MPDZ: variants seen among roughly 807,000 people sequenced by gnomAD.
MPDZ encodes multiple PDZ domain crumbs cell polarity complex component.
A neutral mutation model predicts 239.1 loss-of-function variants in MPDZ; 234 were observed. The ratio of observed to expected loss-of-function variants is 0.98; its 90% CI spans 0.88 to 1.09. The LOEUF is 1.09. Among genes scored for constraint, MPDZ ranks in the 50% least tolerant of loss-of-function variants. MPDZ has a pLI of 0.00. For synonymous variants in MPDZ, 1,048 were observed against 881.3 expected (o/e 1.19, Z -3.35); for missense variants, 3,175 against 2,510.0 (o/e 1.26, Z -5.66).
chr9:13,138,071 T>G lies in MPDZ; in HGVS notation c.4086A>C (p.Leu1362=). Residue 1362 remains leucine (L), a synonymous_variant, in exon 29 of 47, where the codon CTA becomes CTC. Transcript: ENST00000319217. ...ATCGGTCTTTGTTCCCAGCAAGACTTAGGCCCAAACCACTATGACCTTTCT... is the reference window on the plus strand; with the variant it reads ...ATCGGTCTTTGTTCCCAGCAAGACTGAGGCCCAAACCACTATGACCTTTCT... The part of the protein sequence containing the change: ...ELEKGHSGLG[L]SLAGNKDRSR... 2 of 1,613,794 alleles carry G rather than the reference T, an allele frequency of 1.2e-6. No homozygotes were observed. The highest frequency in any genetic ancestry group is 1.7e-6 in the Non-Finnish European group (2 of 1,179,756).
chr9:13,177,900 T>C (rs527332615), intron 19 of MPDZ, among the ~76,000 whole-genome samples: 29 of 152,308 alleles, frequency 1.9e-4, no homozygotes, highest in South Asian at 1.7e-3. Flanking sequence ...TCTACATCTT[T>C]GTCCACATGT....
At chr9:13,136,323 T>TTTTTTTTTG in intron 30 of MPDZ, 141 bp from the exon 31 acceptor site, 1 of 432,032 alleles carries the variant, frequency 2.3e-6, no homozygotes, top group South Asian at 3.5e-5. Context: ...TACAAACGTT[T>TTTTTTTTTG]TCTTTTTTTT....
At chr9:13,165,583 T>C (rs1246100345) in intron 22 of MPDZ, 7 of 620,202 alleles carry the variant, frequency 1.1e-5, no homozygotes, top group Non-Finnish European at 1.4e-5. Flanking sequence ...AAGCATCTGC[T>C]CTTTACTAGT....
intron 32 of MPDZ, among the ~76,000 whole-genome samples, chr9:13,132,748 C>A (rs367567412): frequency 3.6e-4 from 55 of 152,218 alleles, no homozygotes; most frequent in African/African-American, 1.3e-3. Context: ...ATTATTAAGT[C>A]CATTTTCAAA....
intron 3 of MPDZ, among the ~76,000 whole-genome samples, chr9:13,231,952 T>G (rs1211154602): frequency 6.6e-6 from 1 of 152,150 alleles, no homozygotes; most frequent in Non-Finnish European, 1.5e-5. Flanking sequence ...TCGTTTAGTC[T>G]AATTCACAAA....
At chr9:13,146,462 A>G (rs1209974733) in intron 26 of MPDZ, among the ~76,000 whole-genome samples, 2 of 152,080 alleles carry the variant, frequency 1.3e-5, no homozygotes, top group African/African-American at 4.8e-5. Flanking sequence ...AATTAAATAT[A>G]TTTTGCAGAT....
At chr9:13,124,676 T>TA (rs1404754594) in intron 35 of MPDZ, among the ~76,000 whole-genome samples, 1 of 152,150 alleles carries the variant, frequency 6.6e-6, no homozygotes, top group African/African-American at 2.4e-5. Flanking sequence ...GACCCACTAT[T>TA]ACACCTAAAG....
chr9:13,159,236 T>C (rs138764926), intron 23 of MPDZ, among the ~76,000 whole-genome samples: 28 of 152,274 alleles, frequency 1.8e-4, no homozygotes, highest in South Asian at 4.1e-4. Context: ...TCATTCTTTC[T>C]TGGACCTGAA....
chr9:13,190,436 G>A, intron 15 of MPDZ, 137 bp from the exon 16 acceptor site: 1 of 715,158 alleles, frequency 1.4e-6, no homozygotes, highest in Middle Eastern at 3.4e-4. Flanking sequence ...AGCTTTTCAT[G>A]AAACCTTTAG....
intron 24 of MPDZ, among the ~76,000 whole-genome samples, chr9:13,151,580 T>A (rs974762342): frequency 6.6e-6 from 1 of 152,074 alleles, no homozygotes; most frequent in African/African-American, 2.4e-5. Flanking sequence ...ATAAAGTACC[T>A]AGAGGTACCA....
intron 19 of MPDZ, among the ~76,000 whole-genome samples, chr9:13,181,542 A>G (rs1171781222): frequency 1.3e-5 from 2 of 152,192 alleles, no homozygotes; most frequent in Non-Finnish European, 2.9e-5. Context: ...ATGTGTTTTA[A>G]AACACCCTCA....
intron 3 of MPDZ, among the ~76,000 whole-genome samples, chr9:13,229,097 T>G (rs1961580881): frequency 1.3e-5 from 2 of 152,144 alleles, no homozygotes; most frequent in East Asian, 3.9e-4. Flanking sequence ...ACATAATTTA[T>G]CTTTAGTTCT....
chr9:13,208,585 T>C lies in MPDZ; in HGVS notation c.1291-2486A>G, dbSNP rs568568908. On this transcript the variant is annotated intron_variant, in intron 10 of 46. Transcript: ENST00000319217. ...TAAAAACTCATTTGCTTTGTAAATA[T>C]GTGTATATGTAGGTGTGTATATATG... is the stretch of plus-strand genomic sequence containing the variant. Among the ~76,000 whole-genome samples, 264 of 151,460 alleles carry C rather than the reference T, an allele frequency of 1.7e-3. 2 individuals are homozygous for C. Among genetic ancestry groups the C allele is most frequent in the Non-Finnish European group, 2.8e-3 (190 of 67,840 alleles).
intron 10 of MPDZ, among the ~76,000 whole-genome samples, chr9:13,210,016 T>C (rs1957431164): frequency 6.8e-6 from 1 of 147,390 alleles, no homozygotes; most frequent in South Asian, 2.1e-4. Flanking sequence ...AAGGGAAACT[T>C]ACCCAACTCT....
intron 3 of MPDZ, among the ~76,000 whole-genome samples, chr9:13,232,878 A>AG (rs1345207350): frequency 1.3e-5 from 2 of 151,388 alleles, no homozygotes; most frequent in African/African-American, 4.8e-5. Context: ...AAAAAAAAAA[A>AG]AAAACCAGGA....
rs1954505637 is a variant in MPDZ, at chr9:13,188,806, A to G, written c.2342T>C (p.Ile781Thr). The G allele has an allele frequency of 1.9e-6, 3 of 1,613,316 alleles. No homozygotes were observed. The highest frequency in any genetic ancestry group is 4.5e-5 in the East Asian group (2 of 44,848). ...TACGGGTAAAGGCTTAGCAACTCCT[A>G]TTCTCACAGTCCCTGACGGTGCTCC... ...LKGAPSGTVR[I>T]GVAKPLPLSP... The change falls in exon 17 of 47, where the codon ATA becomes ACA. Residue 781 changes from isoleucine to threonine, a missense_variant. Coordinates refer to ENST00000319217, the MANE Select transcript of MPDZ (RefSeq NM_001378778.1).
intron 24 of MPDZ, among the ~76,000 whole-genome samples, chr9:13,157,289 TTG>T (rs1212297103): frequency 6.6e-6 from 1 of 152,170 alleles, no homozygotes; most frequent in African/African-American, 2.4e-5. Context: ...GTGAAATACC[TTG>T]TGTTCTTAAA....
intron 3 of MPDZ, among the ~76,000 whole-genome samples, chr9:13,237,030 T>G (rs1303250990): frequency 6.6e-6 from 1 of 152,210 alleles, no homozygotes; most frequent in African/African-American, 2.4e-5. Context: ...GCGCCTATCA[T>G]AAAGAGCAAT....
chr9:13,256,525 G>A lies in MPDZ; in HGVS notation c.-57-6153C>T, dbSNP rs1165733359. On this transcript the variant is annotated intron_variant, in intron 1 of 46. Transcript: ENST00000319217. ...TCTTCCTTTCACTTAAACACTTAGA[G>A]GCTATTGCAGGGTTATTAAATAGCC... Among the ~76,000 whole-genome samples, 3 of 152,268 alleles carry A rather than the reference G, an allele frequency of 2.0e-5. No homozygotes were observed. The East Asian group carries it at 5.8e-4, about 29-fold the overall frequency.
Sources: allele counts gnomAD v4.1 joint callset (sites outside exome capture counted in the v4.1 genomes callset), GRCh38; gene constraint gnomAD v4.1.1; transcripts MANE v1.5; gene names NCBI Gene and HGNC (gene_info 2026-07-23, HGNC 2026-07-21).